Variants in NSD1 observed in about 807,000 individuals in gnomAD.
The protein encoded by NSD1 is histone-lysine N-methyltransferase, H3 lysine-36 specific.
Under a neutral mutation model 242.7 loss-of-function variants are expected in NSD1, and 26 were observed. The observed-to-expected ratio is 0.11, with a 90% CI of 0.08 to 0.15. The LOEUF is 0.15. Among genes scored for constraint, NSD1 ranks in the 10% least tolerant of loss-of-function variants. The pLI is 1.00. For synonymous variants in NSD1, 1,106 were observed against 1,178.1 expected, an observed-to-expected ratio of 0.94 and a Z score of 1.25; for missense variants, 2,495 against 3,272.8, an observed-to-expected ratio of 0.76 and a Z score of 5.80.
chr5:177,237,531 C>CTTTTTT (rs35657331), intron 6 of NSD1, among the ~76,000 whole-genome samples: 8 of 123,116 alleles, frequency 6.5e-5, no homozygotes, highest in East Asian at 2.3e-4. Flanking sequence ...ATTATTTTAT[C>CTTTTTT]TTTTTTTTTT....
At chr5:177,171,179 C>G (rs1759672621) in intron 2 of NSD1, among the ~76,000 whole-genome samples, 1 of 151,876 alleles carries the variant, frequency 6.6e-6, no homozygotes, top group Non-Finnish European at 1.5e-5. Flanking sequence ...ATTAGTAGTG[C>G]GCCTGTAGTC....
At chr5:177,193,049 ATTG>A (rs1761826730) in intron 3 of NSD1, among the ~76,000 whole-genome samples, 1 of 152,052 alleles carries the variant, frequency 6.6e-6, no homozygotes, top group Non-Finnish European at 1.5e-5. Context: ...TTTAAATGCT[ATTG>A]TTTGTTTTTC....
intron 2 of NSD1, among the ~76,000 whole-genome samples, chr5:177,173,614 C>T (rs1055735505): frequency 5.9e-5 from 9 of 151,834 alleles, no homozygotes; most frequent in African/African-American, 1.9e-4. Context: ...GCTGGGGTTA[C>T]AGGCACGTGC....
chr5:177,287,354 T>C (rs1187521592), intron 20 of NSD1, among the ~76,000 whole-genome samples: 3 of 152,202 alleles, frequency 2.0e-5, no homozygotes, highest in Admixed American at 2.0e-4. Context: ...AAAAAGACAG[T>C]GTGGGGCTGG....
At chr5:177,273,849 T>C in intron 17 of NSD1, 65 bp downstream of exon 17, 1 of 1,051,358 alleles carries the variant, frequency 9.5e-7, no homozygotes, top group Non-Finnish European at 1.5e-6. Context: ...CTTCCCACTC[T>C]GTTCATGACA....
chr5:177,251,871 C>G lies in NSD1; in HGVS notation c.4765+18C>G, dbSNP rs751340849. 1.2e-6 allele frequency: 2 copies of G among 1,613,984 alleles called. No individual in the cohort carries two copies. Among genetic ancestry groups the G allele is most frequent in the Non-Finnish European group, 1.7e-6 (2 of 1,179,922 alleles). ...TCGCACAGGTAAAGTAGATATCGAA[C>G]GGTCTTCCTCCAAAGAAAGTTTGAA... On this transcript the variant is annotated intron_variant, in intron 12 of 22. Coordinates refer to ENST00000439151, the MANE Select transcript of NSD1 (RefSeq NM_022455.5).
intron 2 of NSD1, among the ~76,000 whole-genome samples, chr5:177,174,403 G>A (rs1317565896): frequency 6.6e-6 from 1 of 152,088 alleles, no homozygotes; most frequent in African/African-American, 2.4e-5. Flanking sequence ...AGTAGAGACA[G>A]GGCTTCGCCA....
intron 5 of NSD1, among the ~76,000 whole-genome samples, chr5:177,223,871 A>G (rs1764429992): frequency 6.6e-6 from 1 of 152,128 alleles, no homozygotes; most frequent in Non-Finnish European, 1.5e-5. Context: ...CTGTAATCCC[A>G]GCTACTCAAG....
In NSD1 at chr5:177,191,381, T is replaced by G. The variant is rs369126167; in HGVS notation, c.928-503T>G. Among the ~76,000 whole-genome samples, 11 of 152,352 alleles carry G rather than the reference T, an allele frequency of 7.2e-5. No homozygotes were observed. In the East Asian group the frequency reaches 1.7e-3, roughly 24 times the overall value. ...AAAGTGTTAGCTGGGACTACAGGCA[T>G]GTGCCACCACTCCTGGCTATTACTA... On this transcript the variant is annotated intron_variant, in intron 2 of 22. Coordinates refer to ENST00000439151, the MANE Select transcript of NSD1 (RefSeq NM_022455.5).
chr5:177,178,085 C>G (rs1410480383), intron 2 of NSD1, among the ~76,000 whole-genome samples: 1 of 151,466 alleles, frequency 6.6e-6, no homozygotes, highest in Non-Finnish European at 1.5e-5. Context: ...TTAGTAGAGA[C>G]AGTTTCATCA....
At chr5:177,225,558 C>T (rs1267535430) in intron 5 of NSD1, among the ~76,000 whole-genome samples, 2 of 151,844 alleles carry the variant, frequency 1.3e-5, no homozygotes, top group Non-Finnish European at 2.9e-5. Flanking sequence ...TTTATTTTCT[C>T]CCCTTTTTCC....
chr5:177,214,041 G>A (rs1186426336), intron 5 of NSD1, among the ~76,000 whole-genome samples: 4 of 151,646 alleles, frequency 2.6e-5, no homozygotes, highest in Admixed American at 2.0e-4. Context: ...ACTCTTTAAC[G>A]GTATTTACGG....
At position 177,176,001 on chromosome 5, in the gene NSD1, G is replaced by A. The variant is rs975725614; in HGVS notation, c.928-15883G>A. 5.9e-5 allele frequency among the ~76,000 whole-genome samples: 9 copies of A among 151,862 alleles called. No individual in the cohort carries two copies. The South Asian group carries it at 1.7e-3, about 28-fold the overall frequency. ...AGTGATTCTCCTGCCTCAGTTTCCT[G>A]AGTAGCTGGGATTATAGGCACATGC... is the stretch of plus-strand genomic sequence containing the variant. On this transcript the variant is annotated intron_variant, in intron 2 of 22. Coordinates refer to ENST00000439151, the MANE Select transcript of NSD1 (RefSeq NM_022455.5).
chr5:177,230,639 A>G (rs1414591205), intron 5 of NSD1, among the ~76,000 whole-genome samples: 1 of 152,076 alleles, frequency 6.6e-6, no homozygotes, highest in African/African-American at 2.4e-5. Flanking sequence ...CAGCTGGGCC[A>G]ACATGATGAA....
In NSD1 at chr5:177,294,444, C is replaced by T. The variant is rs769699822; in HGVS notation, c.7076C>T (p.Pro2359Leu). ...PLERPLGTAD[P>L]RLDKSIGAAS... ...GAAAGACCTCTGGGGACGGCTGACC[C>T]AAGGCTGGATAAATCCATAGGTGCT... The change falls in exon 23 of 23, where the codon CCA (proline) becomes CTA (leucine). Residue 2359 changes from proline (P) to leucine (L), a missense_variant. Around this residue, in one of 19 missense-constraint regions of NSD1, gnomAD observed 475 missense variants for 563.7 expected, o/e 0.84. Transcript: ENST00000439151. 29 of 1,614,068 alleles carry T rather than the reference C, an allele frequency of 1.8e-5. No homozygotes were observed. The highest frequency in any genetic ancestry group is 1.6e-4 in the Middle Eastern group (1 of 6,084).
At chr5:177,221,881 C>T (rs1378061694) in intron 5 of NSD1, among the ~76,000 whole-genome samples, 1 of 152,024 alleles carries the variant, frequency 6.6e-6, no homozygotes, top group Non-Finnish European at 1.5e-5. Flanking sequence ...GTGATCTCAG[C>T]TCACAGCAAC....
At chr5:177,292,887 G>A (rs951743252) in intron 22 of NSD1, among the ~76,000 whole-genome samples, 2 of 152,170 alleles carry the variant, frequency 1.3e-5, no homozygotes, top group African/African-American at 4.8e-5. Context: ...GCCATTCCAG[G>A]GTGAGGAGAT....
chr5:177,223,994 A>G (rs1289773276), intron 5 of NSD1, among the ~76,000 whole-genome samples: 1 of 152,236 alleles, frequency 6.6e-6, no homozygotes, highest in Non-Finnish European at 1.5e-5. Context: ...TTGTCTCAAC[A>G]AAAAATAAAT....
chr5:177,181,171 A>T (rs957715741), intron 2 of NSD1, among the ~76,000 whole-genome samples: 1 of 151,784 alleles, frequency 6.6e-6, no homozygotes, highest in African/African-American at 2.4e-5. Context: ...CTGGGACTAC[A>T]GGCACCTGCC....
Sources: gnomAD v4.1 joint callset for allele counts (sites outside exome capture counted in the v4.1 genomes callset) on GRCh38, gnomAD v4.1.1 for gene constraint, gnomAD v4.1.1 regional missense constraint, MANE v1.5 for transcripts, NCBI Gene and HGNC (gene_info 2026-07-23, HGNC 2026-07-21) for gene names.